Variants in UBE2E2 observed in about 807,000 individuals in gnomAD.
UBE2E2 encodes the protein ubiquitin conjugating enzyme E2 E2.
UBE2E2 carries 6 observed loss-of-function variants against 24.7 expected under a neutral mutation model. The observed-to-expected ratio is 0.24, with a 90% CI of 0.13 to 0.48. The LOEUF is 0.48. Among genes scored for constraint, UBE2E2 ranks in the 20% least tolerant of loss-of-function variants. The pLI is 0.99. For synonymous variants in UBE2E2, 104 were observed against 83.6 expected (o/e 1.24, Z -1.33); for missense variants, 169 against 245.0 (o/e 0.69, Z 2.07).
At chr3:23,350,744 C>T (rs915359666) in intron 3 of UBE2E2, among the ~76,000 whole-genome samples, 21 of 152,098 alleles carry the variant, frequency 1.4e-4, no homozygotes, top group African/African-American at 5.1e-4. Flanking sequence ...TGTGAAAAGA[C>T]CAAATCTACG....
chr3:23,397,057 A>G (rs1367852829), intron 3 of UBE2E2, among the ~76,000 whole-genome samples: 1 of 152,188 alleles, frequency 6.6e-6, no homozygotes, highest in Non-Finnish European at 1.5e-5. Context: ...ATGCCCATTT[A>G]CAGATCCAGA....
At chr3:23,488,805 A>C (rs1436568545) in intron 3 of UBE2E2, among the ~76,000 whole-genome samples, 2 of 152,202 alleles carry the variant, frequency 1.3e-5, no homozygotes. Flanking sequence ...GGCGGAATTA[A>C]TTTAAGAAAT....
At chr3:23,273,178 A>G (rs1698292421) in intron 3 of UBE2E2, among the ~76,000 whole-genome samples, 3 of 152,242 alleles carry the variant, frequency 2.0e-5, no homozygotes, top group Non-Finnish European at 4.4e-5. Flanking sequence ...ACAATTTTAT[A>G]TAGTAAGAAG....
At chr3:23,533,392 T>C (rs1431024474) in intron 5 of UBE2E2, among the ~76,000 whole-genome samples, 1 of 152,190 alleles carries the variant, frequency 6.6e-6, no homozygotes, top group Non-Finnish European at 1.5e-5. Context: ...AGAATTATTT[T>C]ATGAGTAATT....
chr3:23,352,611 C>T lies in UBE2E2; in HGVS notation c.227+135299C>T, dbSNP rs543273693. On this transcript the variant is annotated intron_variant, in intron 3 of 5. Coordinates refer to ENST00000396703, the MANE Select transcript of UBE2E2 (RefSeq NM_152653.4). ...TCAGAGAATACTACAAACACCTCTA[C>T]GCAAATAAACTAGAAAATCTAGAAG... 1.7e-3 allele frequency among the ~76,000 whole-genome samples: 266 copies of T among 152,182 alleles called. 1 individual carries two copies. The Middle Eastern group carries it at 0.02, about 12-fold the overall frequency.
chr3:23,252,438 A>G (rs1474201304), intron 3 of UBE2E2, among the ~76,000 whole-genome samples: 1 of 152,214 alleles, frequency 6.6e-6, no homozygotes, highest in East Asian at 1.9e-4. Context: ...AATTTGTGTG[A>G]TTTAACCTCA....
At chr3:23,496,399 T>A (rs1194944260) in intron 3 of UBE2E2, among the ~76,000 whole-genome samples, 3 of 152,154 alleles carry the variant, frequency 2.0e-5, no homozygotes, top group East Asian at 3.9e-4. Context: ...GTGCTGCTTC[T>A]CCAACCTCTG....
intron 3 of UBE2E2, among the ~76,000 whole-genome samples, chr3:23,453,307 C>T (rs1389929094): frequency 1.3e-5 from 2 of 151,228 alleles, no homozygotes; most frequent in African/African-American, 2.4e-5. Context: ...CATCCATTTC[C>T]GTTGGAAACA....
chr3:23,249,931 C>T (rs995007439), intron 3 of UBE2E2, among the ~76,000 whole-genome samples: 6 of 152,208 alleles, frequency 3.9e-5, no homozygotes, highest in African/African-American at 1.4e-4. Flanking sequence ...GCTGGGACTA[C>T]AGGCGTGAGC....
At chr3:23,455,979 G>A (rs905382353) in intron 3 of UBE2E2, among the ~76,000 whole-genome samples, 1 of 152,152 alleles carries the variant, frequency 6.6e-6, no homozygotes, top group Non-Finnish European at 1.5e-5. Flanking sequence ...TTTCAAAATT[G>A]GAGTCAGTCC....
chr3:23,479,000 G>T (rs1380710516), intron 3 of UBE2E2, among the ~76,000 whole-genome samples: 1 of 152,158 alleles, frequency 6.6e-6, no homozygotes, highest in African/African-American at 2.4e-5. Context: ...GGAGGCTGCA[G>T]TGAGCTGCGA....
chr3:23,537,298 A>T (rs1412783121), intron 5 of UBE2E2, among the ~76,000 whole-genome samples: 1 of 152,214 alleles, frequency 6.6e-6, no homozygotes, highest in African/African-American at 2.4e-5. Context: ...GCAGAACTAT[A>T]CAGGTCAGGT....
chr3:23,217,356 G>C (rs770780197), intron 3 of UBE2E2, 44 bp downstream of exon 3: 1 of 1,574,142 alleles, frequency 6.4e-7, no homozygotes. Context: ...TTTTGCAGAA[G>C]GTGCATTTGA....
At chr3:23,204,839 A>G (rs945195956) in intron 1 of UBE2E2, 2 of 810,654 alleles carry the variant, frequency 2.5e-6, no homozygotes, top group African/African-American at 1.9e-5. Context: ...AGACAGCAAG[A>G]CATATATGAC....
intron 3 of UBE2E2, among the ~76,000 whole-genome samples, chr3:23,250,244 A>G (rs1461028977): frequency 1.3e-5 from 2 of 152,160 alleles, no homozygotes; most frequent in Non-Finnish European, 2.9e-5. Flanking sequence ...ACCTGGCTCC[A>G]TTTCCTGTAC....
chr3:23,414,292 G>T (rs907812817), intron 3 of UBE2E2, among the ~76,000 whole-genome samples: 2 of 152,138 alleles, frequency 1.3e-5, no homozygotes, highest in Admixed American at 6.5e-5. Flanking sequence ...ACCTTACTCT[G>T]TTTCCAGTGA....
intron 3 of UBE2E2, among the ~76,000 whole-genome samples, chr3:23,409,525 C>CTGTAATTACATG (rs1697450055): frequency 6.6e-6 from 1 of 151,810 alleles, no homozygotes; most frequent in Non-Finnish European, 1.5e-5. Flanking sequence ...CATATATTTC[C>CTGTAATTACATG]CCTGTAATTA....
At chr3:23,422,529 T>G (rs1247468636) in intron 3 of UBE2E2, among the ~76,000 whole-genome samples, 1 of 149,888 alleles carries the variant, frequency 6.7e-6, no homozygotes, top group Non-Finnish European at 1.5e-5. Flanking sequence ...AAGAATAGAT[T>G]ATCTTTTCTG....
At chr3:23,488,067 T>A (rs1481111039) in intron 3 of UBE2E2, among the ~76,000 whole-genome samples, 1 of 151,886 alleles carries the variant, frequency 6.6e-6, no homozygotes, top group Admixed American at 6.6e-5. Flanking sequence ...ATGAAGAAAT[T>A]GTTTATTATT....
Sources: allele counts gnomAD v4.1 joint callset (sites outside exome capture counted in the v4.1 genomes callset), GRCh38; gene constraint gnomAD v4.1.1; transcripts MANE v1.5; gene names NCBI Gene and HGNC (gene_info 2026-07-23, HGNC 2026-07-21).